Variants in MCCC2 observed in about 807,000 individuals in gnomAD.
MCCC2 encodes the protein methylcrotonyl-CoA carboxylase subunit 2.
In MCCC2, 52 loss-of-function variants were observed where a neutral mutation model predicts 77.2. That is an observed-to-expected ratio of 0.67 (90% CI 0.54 to 0.85). The LOEUF (loss-of-function observed/expected upper bound fraction) is 0.85, where lower values mean the gene tolerates loss of function less well. Ranked by LOEUF, MCCC2 falls within the 40% of genes least tolerant of loss-of-function variation. The pLI, the probability that MCCC2 is intolerant of heterozygous loss-of-function variation, is 0.00. For missense variants in MCCC2, 682 were observed against 703.2 expected, an observed-to-expected ratio of 0.97 and a Z score of 0.34; for synonymous variants, 253 against 248.4, an observed-to-expected ratio of 1.02 and a Z score of -0.18.
intron 7 of MCCC2, 106 bp downstream of exon 7, chr5:71,626,859 C>T (rs889921847): frequency 1.3e-5 from 14 of 1,068,300 alleles, no homozygotes; most frequent in African/African-American, 3.1e-5. Context: ...ATAAAATATG[C>T]ATAACATAAA....
At position 71,647,855 on chromosome 5, in the gene MCCC2, GGAA is replaced by G. The variant is rs567897097; in HGVS notation, c.1217-1234_1217-1232del. On this transcript the variant is annotated intron_variant, in intron 13 of 16. Transcript: ENST00000340941. ...ATGATTATGCAGTTTTCTTAAGATT[GGAA>G]GAAGAAGGATTTGAGAAAGCGAAGT... Among the ~76,000 whole-genome samples the G allele has an allele frequency of 2.1e-3, 327 of 152,194 alleles. 1 individual carries two copies. Among genetic ancestry groups the G allele is most frequent in the Middle Eastern group, 0.01 (3 of 294 alleles).
At chr5:71,624,119 A>G (rs1208030533) in intron 6 of MCCC2, among the ~76,000 whole-genome samples, 1 of 152,184 alleles carries the variant, frequency 6.6e-6, no homozygotes, top group African/African-American at 2.4e-5. Context: ...ATGTTCTCAC[A>G]TGGTGACCAA....
chr5:71,648,860 G>T (rs1308503736), intron 13 of MCCC2, among the ~76,000 whole-genome samples: 4 of 152,142 alleles, frequency 2.6e-5, no homozygotes, highest in Non-Finnish European at 4.4e-5. Context: ...TTGTTTGAAG[G>T]TTTCTGTGTG....
chr5:71,654,058 C>G (rs1377190505), intron 16 of MCCC2, among the ~76,000 whole-genome samples: 1 of 152,138 alleles, frequency 6.6e-6, no homozygotes, highest in East Asian at 1.9e-4. Flanking sequence ...AGTGCAGTGA[C>G]GTGATCTCAG....
intron 6 of MCCC2, among the ~76,000 whole-genome samples, chr5:71,625,705 A>G (rs1440042221): frequency 6.6e-6 from 1 of 152,232 alleles, no homozygotes; most frequent in East Asian, 1.9e-4. Context: ...TTTCAATAAC[A>G]TACATGAAAG....
intron 3 of MCCC2, among the ~76,000 whole-genome samples, chr5:71,597,144 C>G (rs1426064092): frequency 6.6e-6 from 1 of 152,040 alleles, no homozygotes; most frequent in African/African-American, 2.4e-5. Context: ...CCTTGTAACT[C>G]TCTGGGGAAA....
At chr5:71,628,791 A>G (rs747017529) in intron 7 of MCCC2, among the ~76,000 whole-genome samples, 5 of 152,240 alleles carry the variant, frequency 3.3e-5, no homozygotes, top group Non-Finnish European at 7.3e-5. Context: ...CTTTTGTGTA[A>G]AATGGAGAGA....
chr5:71,633,091 T>TATA (rs1746777354), intron 8 of MCCC2, among the ~76,000 whole-genome samples: 2 of 84,258 alleles, frequency 2.4e-5, no homozygotes, highest in African/African-American at 1.0e-4. Context: ...TTTTTCAGTT[T>TATA]TATATATATA....
intron 1 of MCCC2, among the ~76,000 whole-genome samples, chr5:71,591,835 T>A (rs1170533882): frequency 6.6e-6 from 1 of 152,194 alleles, no homozygotes; most frequent in East Asian, 1.9e-4. Flanking sequence ...TCACTGCAGC[T>A]TCAAACTCCT....
chr5:71,650,409 G>A (rs1487057150), intron 15 of MCCC2, among the ~76,000 whole-genome samples: 1 of 151,912 alleles, frequency 6.6e-6, no homozygotes, highest in African/African-American at 2.4e-5. Flanking sequence ...CTTTCTTTGT[G>A]GCCATTTAAA....
chr5:71,597,659 C>T lies in MCCC2; in HGVS notation c.281+1295C>T, dbSNP rs553724817. 4.6e-5 allele frequency among the ~76,000 whole-genome samples: 7 copies of T among 152,202 alleles called. No homozygotes were observed. The East Asian group carries it at 1.4e-3, about 29-fold the overall frequency. On this transcript the variant is annotated intron_variant, in intron 3 of 16. Transcript: ENST00000340941. ...GAGAAGAGGGGTAAGTGAAAACTCC[C>T]AAAGTATTTTTTCTCCTGACACGTG...
In MCCC2 at chr5:71,642,440, G is replaced by A. The variant is rs143570007; in HGVS notation, c.1072+1365G>A. Among the ~76,000 whole-genome samples, 500 of 152,302 alleles carry A rather than the reference G, an allele frequency of 3.3e-3. 8 individuals are homozygous for A. The highest frequency in any genetic ancestry group is 0.032 in the South Asian group (155 of 4,828). On this transcript the variant is annotated intron_variant, in intron 11 of 16. Coordinates refer to ENST00000340941, the MANE Select transcript of MCCC2 (RefSeq NM_022132.5). Reference sequence around the variant, plus strand: ...CGTTTCTTGGACACTGTGCTTTCCCGTTTGTAACTCAGGTTTGATCAGGCA... The same window carrying A: ...CGTTTCTTGGACACTGTGCTTTCCCATTTGTAACTCAGGTTTGATCAGGCA...
rs563020695 is a variant in MCCC2 at position 71,608,598 on chromosome 5, T to G, written c.624+4130T>G. ...TACATTTAAAGTTAATATTGTTATG[T>G]GTGAATTTGATCCTGTCATTATGAT... On this transcript the variant is annotated intron_variant, in intron 6 of 16. Transcript: ENST00000340941. Among the ~76,000 whole-genome samples the G allele has an allele frequency of 5.9e-5, 9 of 152,170 alleles. No individual in the cohort carries two copies. The East Asian group carries it at 1.7e-3, about 29-fold the overall frequency.
chr5:71,603,813 T>G (rs542261233), intron 5 of MCCC2, among the ~76,000 whole-genome samples: 4 of 152,306 alleles, frequency 2.6e-5, no homozygotes, highest in Admixed American at 1.3e-4. Context: ...TAATATATGA[T>G]ATGGCTCCTT....
chr5:71,648,782 T>C (rs1747343749), intron 13 of MCCC2, among the ~76,000 whole-genome samples: 1 of 152,178 alleles, frequency 6.6e-6, no homozygotes, highest in Non-Finnish European at 1.5e-5. Flanking sequence ...CCCAAATTGT[T>C]GGTATTATGG....
chr5:71,639,106 A>G (rs1747033780), intron 10 of MCCC2, among the ~76,000 whole-genome samples: 1 of 152,250 alleles, frequency 6.6e-6, no homozygotes, highest in African/African-American at 2.4e-5. Flanking sequence ...TTTATAGAGC[A>G]CAGGCAGAGT....
chr5:71,616,533 G>C (rs913240309), intron 6 of MCCC2, among the ~76,000 whole-genome samples: 1 of 152,194 alleles, frequency 6.6e-6, no homozygotes, highest in Non-Finnish European at 1.5e-5. Flanking sequence ...TTGAGTGACT[G>C]TGTCAGACAG....
intron 6 of MCCC2, among the ~76,000 whole-genome samples, chr5:71,625,020 T>A (rs1208764253): frequency 6.6e-6 from 1 of 151,732 alleles, no homozygotes. Flanking sequence ...AACACAATAA[T>A]TCCTCTTCCT....
intron 16 of MCCC2, 44 bp downstream of exon 16, chr5:71,652,798 C>A: frequency 6.6e-7 from 1 of 1,520,120 alleles, no homozygotes; most frequent in South Asian, 1.1e-5. Flanking sequence ...GTGCAGATGG[C>A]AGTCAGAGGA....
Sources: allele counts gnomAD v4.1 joint callset (sites outside exome capture counted in the v4.1 genomes callset), GRCh38; gene constraint gnomAD v4.1.1; transcripts MANE v1.5; gene names NCBI Gene and HGNC (gene_info 2026-07-23, HGNC 2026-07-21).